The following NRXN1 variants were observed in gnomAD, a reference collection of about 807,000 sequenced individuals.
NRXN1 encodes neurexin 1, also known as neurexin-1.
NRXN1 carries 39 observed loss-of-function variants against 150.9 expected under a neutral mutation model. That is an observed-to-expected ratio of 0.26 (90% CI 0.20 to 0.34). The LOEUF is 0.34. NRXN1 is among the 10% of genes least tolerant of loss of function. The pLI, the probability that NRXN1 is intolerant of heterozygous loss-of-function variation, is 1.00. For synonymous variants in NRXN1, 924 were observed against 757.0 expected (o/e 1.22, Z -3.62); for missense variants, 1,815 against 1,949.9 (o/e 0.93, Z 1.30).
intron 2 of NRXN1, among the ~76,000 whole-genome samples, chr2:50,995,451 A>T (rs1001633329): frequency 6.6e-6 from 1 of 151,980 alleles, no homozygotes; most frequent in Non-Finnish European, 1.5e-5. Flanking sequence ...CAACAAATAC[A>T]AAAATTATCC....
intron 17 of NRXN1, among the ~76,000 whole-genome samples, chr2:50,319,413 C>G (rs12470424): frequency 0.062 from 9,384 of 152,136 alleles, 410 homozygotes; most frequent in Non-Finnish European, 0.091. Context: ...TCCTTTATCT[C>G]CAAAATGTCT....
intron 19 of NRXN1, among the ~76,000 whole-genome samples, chr2:50,062,968 A>G (rs1471850259): frequency 6.6e-6 from 1 of 152,236 alleles, no homozygotes; most frequent in Non-Finnish European, 1.5e-5. Context: ...TTGAGTTTTT[A>G]ACATTGGGAA....
chr2:50,289,927 G>T (rs2072702558), intron 17 of NRXN1, among the ~76,000 whole-genome samples: 1 of 152,018 alleles, frequency 6.6e-6, no homozygotes, highest in Non-Finnish European at 1.5e-5. Flanking sequence ...ACCTCAAGTG[G>T]TAATCACATT....
chr2:50,046,051 A>G (rs747454173), intron 21 of NRXN1, among the ~76,000 whole-genome samples: 3 of 152,200 alleles, frequency 2.0e-5, no homozygotes, highest in Non-Finnish European at 4.4e-5. Context: ...TCAGTATCAC[A>G]CCATGAATTA....
chr2:50,341,956 G>T (rs1038274140), intron 17 of NRXN1, among the ~76,000 whole-genome samples: 1 of 152,074 alleles, frequency 6.6e-6, no homozygotes, highest in South Asian at 2.1e-4. Context: ...AATTGAATTT[G>T]CCTCTTTAAG....
rs902243141 is a variant in NRXN1 at position 50,497,398 on chromosome 2, T to C, written c.2814A>G (p.Leu938=). The change falls in exon 14 of 23, where the codon CTA becomes CTG. Residue 938 remains leucine, a synonymous_variant. Coordinates refer to ENST00000401669, the MANE Select transcript of NRXN1 (RefSeq NM_001330078.2). ...CACTGTTATATAGAATTAATCCATC[T>C]AGGGATGTTGTCTTGAACTGGAAAA... ...HLFFQFKTTS[L]DGLILYNSGD... 2 of 1,599,196 alleles carry C rather than the reference T, an allele frequency of 1.3e-6. No individual in the cohort carries two copies. Among genetic ancestry groups the C allele is most frequent in the Admixed American group, 3.4e-5 (2 of 59,262 alleles).
At chr2:50,684,940 T>C (rs879799127) in intron 5 of NRXN1, among the ~76,000 whole-genome samples, 1 of 152,174 alleles carries the variant, frequency 6.6e-6, no homozygotes, top group Non-Finnish European at 1.5e-5. Context: ...GAACAGAACA[T>C]GAACCAGAGA....
chr2:50,597,261 T>G (rs1675398740), intron 8 of NRXN1, among the ~76,000 whole-genome samples: 3 of 152,172 alleles, frequency 2.0e-5, no homozygotes, highest in Admixed American at 2.0e-4. Context: ...AGACTGACCC[T>G]CTAGCCATAT....
intron 2 of NRXN1, among the ~76,000 whole-genome samples, chr2:50,929,838 G>A (rs1294817080): frequency 1.3e-5 from 2 of 152,050 alleles, no homozygotes; most frequent in Non-Finnish European, 2.9e-5. Context: ...TTTTCTTTTG[G>A]TATTAGCAGT....
chr2:50,835,111 A>G (rs1671930912), intron 5 of NRXN1, among the ~76,000 whole-genome samples: 1 of 152,202 alleles, frequency 6.6e-6, no homozygotes, highest in Non-Finnish European at 1.5e-5. Context: ...AACTGCTTTC[A>G]GATGGGATGT....
Position 50,347,222 on chromosome 2 carries a change from G to C in NRXN1, c.3365-110252C>G, listed in dbSNP as rs1218074580. On this transcript the variant is annotated intron_variant, in intron 17 of 22. Transcript: ENST00000401669. The surrounding 1 kb of genome is among the most constrained non-coding windows in gnomAD (Gnocchi z 4.9). ...AGGCAGCCCCGGGAACAGCAAGCGC[G>C]GAGCGGGTGGCTGCTCCCAGATTTC... 6.7e-6 allele frequency: 9 copies of C among 1,335,920 alleles called. No homozygotes were observed. 82.8% of individuals were successfully genotyped at this position (1,335,920 alleles called of 1,614,324 possible). A position where few individuals can be genotyped will look rare whatever the true frequency, so the allele number is the denominator to read the frequency against.
chr2:50,153,408 G>A (rs1330931353), intron 18 of NRXN1, among the ~76,000 whole-genome samples: 4 of 146,908 alleles, frequency 2.7e-5, no homozygotes, highest in African/African-American at 1.0e-4. Flanking sequence ...TTTTTTTGTT[G>A]AAAAATGGAC....
At chr2:50,621,363 G>A (rs757152710) in intron 6 of NRXN1, 114 bp from the exon 7 acceptor site, 15 of 751,102 alleles carry the variant, frequency 2.0e-5, no homozygotes, top group African/African-American at 5.4e-5. Context: ...TTCAGGTAAC[G>A]GTTAGTAGAA....
chr2:50,816,390 A>C (rs1668941205), intron 5 of NRXN1, among the ~76,000 whole-genome samples: 1 of 152,082 alleles, frequency 6.6e-6, no homozygotes, highest in Non-Finnish European at 1.5e-5. Flanking sequence ...AGGAATGTTC[A>C]ATGGGTTCTT....
At chr2:50,891,461 G>A (rs968613634) in intron 5 of NRXN1, among the ~76,000 whole-genome samples, 6 of 151,878 alleles carry the variant, frequency 4.0e-5, no homozygotes, top group East Asian at 1.9e-4. Context: ...AAATATACAC[G>A]AGTATTTTAT....
intron 2 of NRXN1, among the ~76,000 whole-genome samples, chr2:50,956,613 T>C (rs937377264): frequency 2.6e-5 from 4 of 151,952 alleles, no homozygotes; most frequent in Admixed American, 6.6e-5. Context: ...CTGGGTGTGG[T>C]AGTGCATGCC....
Position 51,005,559 on chromosome 2 carries a change from C to T in NRXN1, c.772+21943G>A, listed in dbSNP as rs181680646. On this transcript the variant is annotated intron_variant, in intron 2 of 22. Coordinates refer to ENST00000401669, the MANE Select transcript of NRXN1 (RefSeq NM_001330078.2). ...GCAAGAAATGTTTAAGAAAGTCTCA[C>T]ATATGGAAGTGAAAAGACAATAATT... Among the ~76,000 whole-genome samples the T allele has an allele frequency of 3.7e-3, 566 of 151,996 alleles. 2 individuals are homozygous for T. Among genetic ancestry groups the T allele is most frequent in the Non-Finnish European group, 5.6e-3 (379 of 67,940 alleles).
intron 21 of NRXN1, among the ~76,000 whole-genome samples, chr2:49,986,787 G>C (rs1680987130): frequency 6.6e-6 from 1 of 151,984 alleles, no homozygotes; most frequent in Admixed American, 6.6e-5. Flanking sequence ...CATTAGGTTG[G>C]GCATGGTCAC....
intron 17 of NRXN1, among the ~76,000 whole-genome samples, chr2:50,457,430 A>C (rs1031902584): frequency 1.3e-5 from 2 of 152,088 alleles, no homozygotes; most frequent in African/African-American, 2.4e-5. Context: ...AGGCAGACGC[A>C]TTCAAGTTCT....
Sources: allele counts gnomAD v4.1 joint callset (sites outside exome capture counted in the v4.1 genomes callset), GRCh38; gene constraint gnomAD v4.1.1; non-coding constraint Gnocchi (gnomAD v3.1); transcripts MANE v1.5; gene names NCBI Gene and HGNC (gene_info 2026-07-23, HGNC 2026-07-21).